Variants in C4orf54 observed in about 807,000 individuals in gnomAD.
The protein encoded by C4orf54 is chromosome 4 open reading frame 54.
A neutral mutation model predicts 80.1 loss-of-function variants in C4orf54; 67 were observed. The observed-to-expected ratio is 0.84, with a 90% CI of 0.69 to 1.03. C4orf54 has a LOEUF of 1.03. Among genes scored for constraint, C4orf54 ranks in the 50% least tolerant of loss-of-function variants. The pLI is 0.00. For synonymous variants in C4orf54, 1,000 were observed against 917.0 expected, an observed-to-expected ratio of 1.09 and a Z score of -1.64; for missense variants, 2,434 against 2,253.5, an observed-to-expected ratio of 1.08 and a Z score of -1.62.
chr4:99,643,060 C>A (rs945371189), intron 2 of C4orf54, among the ~76,000 whole-genome samples: 4 of 152,178 alleles, frequency 2.6e-5, no homozygotes, highest in African/African-American at 9.7e-5. Flanking sequence ...GGGCACAGGT[C>A]CATGATGCTT....
chr4:99,651,308 C>G lies in C4orf54; in HGVS notation c.3341G>C (p.Gly1114Ala). 1.3e-6 allele frequency: 2 copies of G among 1,536,136 alleles called. No individual in the cohort carries two copies. The highest frequency in any genetic ancestry group is 1.7e-6 in the Non-Finnish European group (2 of 1,146,920). Residue 1114 changes from glycine to alanine, a missense_variant, in exon 2 of 3, where the codon GGG becomes GCG. By Grantham distance (60) the Gly-to-Ala change is moderately conservative (BLOSUM62 0). Coordinates refer to ENST00000511828, the MANE Select transcript of C4orf54 (RefSeq NM_001354435.2). Reference protein sequence around the residue: ...QVRDVRKLIKGSGDSSDKGSV... With the variant: ...QVRDVRKLIKASGDSSDKGSV... ...GCCCTTGTCACTACTATCCCCTGACCCTTTAATTAGTTTCCTGACATCTCT... is the reference window on the plus strand; with the variant it reads ...GCCCTTGTCACTACTATCCCCTGACGCTTTAATTAGTTTCCTGACATCTCT...
At chr4:99,641,688 A>G (rs1726609536) in intron 2 of C4orf54, among the ~76,000 whole-genome samples, 1 of 152,184 alleles carries the variant, frequency 6.6e-6, no homozygotes. Context: ...GTTCAAAATA[A>G]GATGTACTGG....
At position 99,657,797 on chromosome 4, in the gene C4orf54, T is replaced by A. The variant is rs1727003535; in HGVS notation, c.-334A>T. Among the ~76,000 whole-genome samples, 1 of 152,206 alleles carries A rather than the reference T, an allele frequency of 6.6e-6. No homozygotes were observed. The highest frequency in any genetic ancestry group is 2.4e-5 in the African/African-American group (1 of 41,456). The stretch of plus-strand genomic sequence containing the variant: ...GGAGTAGTATATGTTACTATGAAAA[T>A]GGATGTTGTCAGTTTTGTTGAAATA... On this transcript the variant is annotated 5_prime_UTR_variant, in exon 1 of 3. Coordinates refer to ENST00000511828, the MANE Select transcript of C4orf54 (RefSeq NM_001354435.2).
chr4:99,645,794 T>C (rs1726691524), intron 2 of C4orf54, among the ~76,000 whole-genome samples: 1 of 152,208 alleles, frequency 6.6e-6, no homozygotes, highest in African/African-American at 2.4e-5. Context: ...GTTTTGCAAC[T>C]GCTGTGCCTA....
In C4orf54 at chr4:99,650,155, G is replaced by C; in HGVS notation, c.4494C>G (p.Ser1498=). ...GTAAACTACAGAGAGTGGCAGCTGA[G>C]GAGTTGGGGGGCCCCTCCCTGGAAG... ...PGASREGPPN[S]SAATLCSLPP... The change falls in exon 2 of 3, where the codon TCC becomes TCG. Residue 1498 remains serine (S), a synonymous_variant. Coordinates refer to ENST00000511828, the MANE Select transcript of C4orf54 (RefSeq NM_001354435.2). 6.5e-7 allele frequency: 1 copy of C among 1,536,028 alleles called. No individual in the cohort carries two copies. Among genetic ancestry groups the C allele is most frequent in the Non-Finnish European group, 8.7e-7 (1 of 1,146,872 alleles).
Position 99,650,405 on chromosome 4 carries a change from A to G in C4orf54, c.4244T>C (p.Phe1415Ser), listed in dbSNP as rs555103041. The G allele has an allele frequency of 1.5e-3, 2,352 of 1,536,046 alleles. 1 individual carries two copies. The highest frequency in any genetic ancestry group is 1.7e-3 in the Non-Finnish European group (2,005 of 1,146,882). The change falls in exon 2 of 3, where the codon TTC becomes TCC. Residue 1415 changes from phenylalanine (F) to serine (S), a missense_variant. Physicochemically the swap from Phe to Ser is radical, Grantham distance 155. Coordinates refer to ENST00000511828, the MANE Select transcript of C4orf54 (RefSeq NM_001354435.2). ...IQKTGGVAGKFPQGPSPESPS... is the reference protein window; with the variant it reads ...IQKTGGVAGKSPQGPSPESPS... ...ACTCTCCGGAGAAGGCCCTTGTGGGAACTTGCCAGCGACACCCCCAGTTTT... is the reference window on the plus strand; with the variant it reads ...ACTCTCCGGAGAAGGCCCTTGTGGGGACTTGCCAGCGACACCCCCAGTTTT...
chr4:99,654,378 CCA>C lies in C4orf54; in HGVS notation c.269_270del (p.Val90GlyfsTer61). 1.0e-6 allele frequency: 1 copy of C among 975,936 alleles called. No individual in the cohort carries two copies. The highest frequency in any genetic ancestry group is 2.6e-5 in the East Asian group (1 of 38,360). The allele number at this position is 975,936 out of a possible 1,614,324, so 60.5% of individuals were successfully genotyped here. A position where few individuals can be genotyped will look rare whatever the true frequency, so the allele number is the denominator to read the frequency against. On this transcript the variant is annotated frameshift_variant, in exon 2 of 3. Coordinates refer to ENST00000511828, the MANE Select transcript of C4orf54 (RefSeq NM_001354435.2). LOFTEE classifies it high-confidence loss of function. ...GCTGTAGGCACTGCTGCCACTGCTG[CCA>C]CCACCTCCCAGTTCTTCAGCCCCTG... ...PPQGLKNWEV[V>X]AAVAAVPTAL...
rs1210671524 is a variant in C4orf54 at position 99,643,788 on chromosome 4, ACACAC to A, written c.*37-2597_*37-2593del. Among the ~76,000 whole-genome samples the A allele has an allele frequency of 3.7e-3, 417 of 111,314 alleles. 4 individuals are homozygous for A. The highest frequency in any genetic ancestry group is 0.012 in the African/African-American group (281 of 24,238). The allele number at this position is 111,314 out of a possible 152,430, so 73.0% of individuals were successfully genotyped here. Reference sequence around the variant, plus strand: ...CACACACACACACACACACACACACACACACCCCCTCCGCGGCAGTAAAACGGCCA... The same window carrying A: ...CACACACACACACACACACACACACACCCCTCCGCGGCAGTAAAACGGCCA... On this transcript the variant is annotated intron_variant, in intron 2 of 2. Transcript: ENST00000511828.
At position 99,651,990 on chromosome 4, in the gene C4orf54, C is replaced by T. The variant is rs1164681454; in HGVS notation, c.2659G>A (p.Glu887Lys). ...GATTTGGAGCCCGCCACGGACCCCT[C>T]CCCGCCCGCGTCGGACATGCTGACC... is the stretch of plus-strand genomic sequence containing the variant. ...TVVSMSDAGG[E>K]GSVAGSKSPV... The change falls in exon 2 of 3, where the codon GAG becomes AAG. Residue 887 changes from glutamate to lysine, a missense_variant. Transcript: ENST00000511828. The T allele has an allele frequency of 1.3e-6, 2 of 1,536,142 alleles. No homozygotes were observed. Among genetic ancestry groups the T allele is most frequent in the Admixed American group, 3.9e-5 (2 of 51,008 alleles).
rs189123896 is a variant in C4orf54, at chr4:99,636,634, A to G, written c.*4599T>C. The G allele has an allele frequency of 2.0e-5, 3 of 152,174 alleles. No individual in the cohort carries two copies. The highest frequency in any genetic ancestry group is 4.4e-5 in the Non-Finnish European group (3 of 68,024). 9.4% of individuals were successfully genotyped at this position (152,174 alleles called of 1,614,324 possible). A position where few individuals can be genotyped will look rare whatever the true frequency, so the allele number is the denominator to read the frequency against. On this transcript the variant is annotated 3_prime_UTR_variant, in exon 3 of 3. Coordinates refer to ENST00000511828, the MANE Select transcript of C4orf54 (RefSeq NM_001354435.2). ...ACACAAGATTGCACAATCATTTACAAATGCTGGCAATTAAAGGTAAGTAGC... is the reference window on the plus strand; with the variant it reads ...ACACAAGATTGCACAATCATTTACAGATGCTGGCAATTAAAGGTAAGTAGC...
At position 99,653,264 on chromosome 4, in the gene C4orf54, C is replaced by T; in HGVS notation, c.1385G>A (p.Arg462His). The T allele has an allele frequency of 3.3e-6, 5 of 1,529,882 alleles. No homozygotes were observed. The highest frequency in any genetic ancestry group is 1.4e-5 in the African/African-American group (1 of 73,022). 94.8% of individuals were successfully genotyped at this position (1,529,882 alleles called of 1,614,324 possible). Residue 462 changes from arginine (R) to histidine (H), a missense_variant, in exon 2 of 3, where the codon CGC becomes CAC. Transcript: ENST00000511828. ...GCCCACTTCGGTGCTGCTGGTGTCGCGGCCACTGCGGCCTGCATTGGGGCG... is the reference window on the plus strand; with the variant it reads ...GCCCACTTCGGTGCTGCTGGTGTCGTGGCCACTGCGGCCTGCATTGGGGCG... ...LARPNAGRSG[R>H]DTSSTEVGSG...
At chr4:99,644,579 T>A (rs1380086757) in intron 2 of C4orf54, among the ~76,000 whole-genome samples, 2 of 152,092 alleles carry the variant, frequency 1.3e-5, no homozygotes, top group Non-Finnish European at 2.9e-5. Flanking sequence ...ACGTCTAGGT[T>A]ATAGCCTGCA....
chr4:99,652,407 C>A lies in C4orf54; in HGVS notation c.2242G>T (p.Val748Phe). The A allele has an allele frequency of 6.5e-7, 1 of 1,536,016 alleles. No homozygotes were observed. The highest frequency in any genetic ancestry group is 1.2e-5 in the South Asian group (1 of 84,052). ...ACATTCAGGGGCTCCAAAAGGGTGA[C>A]GACGCGGGAGCCCGTCTGGACCTGC... ...QKQVQTGSRV[V>F]TLLEPLNVRS... is the part of the protein sequence containing the mutation. Residue 748 changes from valine (V) to phenylalanine (F), a missense_variant, in exon 2 of 3, where the codon GTC becomes TTC. Val to Phe is a conservative substitution (Grantham distance 50). Transcript: ENST00000511828.
Position 99,638,566 on chromosome 4 carries a change from G to A in C4orf54, c.*2667C>T, listed in dbSNP as rs1037449103. 6.6e-6 allele frequency: 1 copy of A among 152,062 alleles called. No homozygotes were observed. Among genetic ancestry groups the A allele is most frequent in the African/African-American group, 2.4e-5 (1 of 41,408 alleles). 9.4% of individuals were successfully genotyped at this position (152,062 alleles called of 1,614,324 possible). A position where few individuals can be genotyped will look rare whatever the true frequency, so the allele number is the denominator to read the frequency against. Reference sequence around the variant, plus strand: ...GTTTTATAGTAATAAAAAATAAAAGGGAAGTTCAGTAACTAAAGGGACATT... The same window carrying A: ...GTTTTATAGTAATAAAAAATAAAAGAGAAGTTCAGTAACTAAAGGGACATT... On this transcript the variant is annotated 3_prime_UTR_variant, in exon 3 of 3. Transcript: ENST00000511828.
rs1382015891 is a variant in C4orf54 at position 99,639,738 on chromosome 4, A to G, written c.*1495T>C. 1 of 152,126 alleles carries G rather than the reference A, an allele frequency of 6.6e-6. No homozygotes were observed. Among genetic ancestry groups the G allele is most frequent in the Non-Finnish European group, 1.5e-5 (1 of 67,996 alleles). The allele number at this position is 152,126 out of a possible 1,614,324, so 9.4% of individuals were successfully genotyped here. On this transcript the variant is annotated 3_prime_UTR_variant, in exon 3 of 3. Coordinates refer to ENST00000511828, the MANE Select transcript of C4orf54 (RefSeq NM_001354435.2). ...TTAAGAGTCTGAGATGGGAAGCATA[A>G]CTACAAAGTAAAAAGATTATATAAA...
intron 2 of C4orf54, among the ~76,000 whole-genome samples, chr4:99,643,776 ACACACACACACACACACC>A (rs1726646060): frequency 7.0e-6 from 1 of 142,478 alleles, no homozygotes; most frequent in African/African-American, 2.6e-5. Flanking sequence ...ACACACACAC[ACACACACACACACACACC>A]CCCTCCGCGG....
chr4:99,654,847 G>A (rs546555332), intron 1 of C4orf54, among the ~76,000 whole-genome samples, 168 bp from the exon 2 acceptor site: 3 of 152,280 alleles, frequency 2.0e-5, no homozygotes, highest in East Asian at 3.9e-4. Context: ...TCAGCCAAAT[G>A]TTCTATGTAA....
In C4orf54 at chr4:99,641,076, A is replaced by G. The variant is rs1265194815; in HGVS notation, c.*157T>C. On this transcript the variant is annotated 3_prime_UTR_variant, in exon 3 of 3. Transcript: ENST00000511828. The stretch of plus-strand genomic sequence containing the variant: ...ATATAGAAACTTACACACTTAGCTT[A>G]TAAGAAGCAAAAATTAAGAATAACA... 2 of 152,212 alleles carry G rather than the reference A, an allele frequency of 1.3e-5. No homozygotes were observed. Among genetic ancestry groups the G allele is most frequent in the African/African-American group, 4.8e-5 (2 of 41,474 alleles). 9.4% of individuals were successfully genotyped at this position (152,212 alleles called of 1,614,324 possible).
At chr4:99,641,584 T>C (rs1269969959) in intron 2 of C4orf54, among the ~76,000 whole-genome samples, 2 of 152,172 alleles carry the variant, frequency 1.3e-5, no homozygotes, top group Non-Finnish European at 2.9e-5. Flanking sequence ...AATTTAGTTA[T>C]CAATCTTATT....
Sources: allele counts gnomAD v4.1 joint callset (sites outside exome capture counted in the v4.1 genomes callset), GRCh38; gene constraint gnomAD v4.1.1; transcripts MANE v1.5; gene names NCBI Gene and HGNC (gene_info 2026-07-23, HGNC 2026-07-21).